SSBP3: variants seen among roughly 807,000 people sequenced by gnomAD.
The protein encoded by SSBP3 is single-stranded DNA-binding protein 3.
In SSBP3, 5 loss-of-function variants were observed where a neutral mutation model predicts 69.6. The ratio of observed to expected loss-of-function variants is 0.07; its 90% CI spans 0.04 to 0.15. The LOEUF (loss-of-function observed/expected upper bound fraction) is 0.15. SSBP3 is among the 10% of genes least tolerant of loss of function. SSBP3 has a pLI of 1.00. For synonymous variants in SSBP3, 196 were observed against 193.4 expected (o/e 1.01, Z -0.11); for missense variants, 312 against 534.0 (o/e 0.58, Z 4.10).
At chr1:54,264,451 T>C (rs1175145243) in intron 5 of SSBP3, among the ~76,000 whole-genome samples, 3 of 152,252 alleles carry the variant, frequency 2.0e-5, no homozygotes, top group Admixed American at 1.3e-4. Flanking sequence ...TACACCTGTC[T>C]AGAAGTCATG....
intron 4 of SSBP3, among the ~76,000 whole-genome samples, chr1:54,386,862 C>A (rs1648126190): frequency 6.6e-6 from 1 of 151,166 alleles, no homozygotes; most frequent in African/African-American, 2.4e-5. Context: ...CTTTCCGATC[C>A]CATCTTCCTC....
At chr1:54,375,660 C>T (rs765711562) in intron 4 of SSBP3, among the ~76,000 whole-genome samples, 5 of 152,188 alleles carry the variant, frequency 3.3e-5, no homozygotes, top group Non-Finnish European at 5.9e-5. Flanking sequence ...AGCCTCCAGT[C>T]GCCTGGTGGA....
chr1:54,248,917 T>G (rs1276482025), intron 9 of SSBP3, among the ~76,000 whole-genome samples: 1 of 152,186 alleles, frequency 6.6e-6, no homozygotes, highest in African/African-American at 2.4e-5. Context: ...TTCCTGAGGT[T>G]GGCAAGGGTG....
At position 54,332,928 on chromosome 1, in the gene SSBP3, G is replaced by A. The variant is rs530494184; in HGVS notation, c.277-51401C>T. 2.4e-4 allele frequency among the ~76,000 whole-genome samples: 37 copies of A among 152,208 alleles called. No individual in the cohort carries two copies. In the South Asian group the frequency reaches 6.4e-3, roughly 26 times the overall value. ...TAAGCAAACATGCACGCACACACAC[G>A]CGCGAGCACACACACACGCGTGCGC... On this transcript the variant is annotated intron_variant, in intron 4 of 17. Coordinates refer to ENST00000610401, the Ensembl canonical transcript of SSBP3.
At chr1:54,271,128 T>C (rs1645186609) in intron 5 of SSBP3, among the ~76,000 whole-genome samples, 1 of 152,196 alleles carries the variant, frequency 6.6e-6, no homozygotes, top group Admixed American at 6.5e-5. Flanking sequence ...GAGTTTCTTC[T>C]GAGACAGGGT....
chr1:54,240,087 T>TGTGTGCGTGCGC (rs1159547661), intron 13 of SSBP3, among the ~76,000 whole-genome samples: 2 of 42,344 alleles, frequency 4.7e-5, no homozygotes, highest in Non-Finnish European at 8.4e-5. Context: ...TGTGTGTGTG[T>TGTGTGCGTGCGC]GCGCGCGCGC....
rs561745726 is a variant in SSBP3, at chr1:54,275,343, C to G, written c.366+6095G>C. 3.3e-5 allele frequency among the ~76,000 whole-genome samples: 5 copies of G among 152,374 alleles called. No homozygotes were observed. In the South Asian group the frequency reaches 1.0e-3, roughly 32 times the overall value. ...AGTAACAGGCTTCGGAAACCAAAAGCAAACAAGGTGGTTTAATTCTTCCCA... is the reference window on the plus strand; with the variant it reads ...AGTAACAGGCTTCGGAAACCAAAAGGAAACAAGGTGGTTTAATTCTTCCCA... On this transcript the variant is annotated intron_variant, in intron 5 of 17. Coordinates refer to ENST00000610401, the Ensembl canonical transcript of SSBP3.
intron 4 of SSBP3, among the ~76,000 whole-genome samples, chr1:54,300,585 G>A (rs1304266745): frequency 6.6e-6 from 1 of 152,108 alleles, no homozygotes; most frequent in Non-Finnish European, 1.5e-5. Context: ...AGAAAGGAAG[G>A]ATTATTTCTG....
chr1:54,327,267 AGGAAAAC>A (rs1557534710), intron 4 of SSBP3, among the ~76,000 whole-genome samples: 4 of 148,034 alleles, frequency 2.7e-5, no homozygotes, highest in East Asian at 4.1e-4. Flanking sequence ...GAAGGAAGGA[AGGAAAAC>A]AACAACAAGA....
At chr1:54,346,541 G>A (rs375874675) in intron 4 of SSBP3, among the ~76,000 whole-genome samples, 26 of 152,088 alleles carry the variant, frequency 1.7e-4, no homozygotes, top group African/African-American at 4.1e-4. Flanking sequence ...CTGGCTAGGC[G>A]CGGTGGCTCA....
chr1:54,263,224 G>T (rs1645045398), intron 5 of SSBP3, among the ~76,000 whole-genome samples: 3 of 152,214 alleles, frequency 2.0e-5, no homozygotes, highest in Admixed American at 2.0e-4. Context: ...CTGTAAAACG[G>T]ATTCAAGGAC....
At chr1:54,292,676 C>T (rs1043427412) in intron 4 of SSBP3, among the ~76,000 whole-genome samples, 1 of 152,188 alleles carries the variant, frequency 6.6e-6, no homozygotes, top group Non-Finnish European at 1.5e-5. Flanking sequence ...GCCCTCAGGG[C>T]TCTGAACAAA....
At chr1:54,402,193 C>T (rs995495893) in intron 3 of SSBP3, among the ~76,000 whole-genome samples, 31 of 152,172 alleles carry the variant, frequency 2.0e-4, no homozygotes, top group Non-Finnish European at 3.7e-4. Flanking sequence ...TGCTTCACAC[C>T]CGTATTACTT....
chr1:54,240,843 C>T, intron 13 of SSBP3, 62 bp downstream of exon 13: 2 of 1,608,724 alleles, frequency 1.2e-6, no homozygotes, highest in Non-Finnish European at 1.7e-6. Context: ...CTCCAGGTCT[C>T]TCTGGCAACA....
chr1:54,330,262 G>A (rs1463269875), intron 4 of SSBP3, among the ~76,000 whole-genome samples: 1 of 152,176 alleles, frequency 6.6e-6, no homozygotes, highest in East Asian at 1.9e-4. Flanking sequence ...GGGAGGACCA[G>A]CCCAAAGGGC....
At chr1:54,292,208 G>C (rs568459264) in intron 4 of SSBP3, among the ~76,000 whole-genome samples, 18 of 152,348 alleles carry the variant, frequency 1.2e-4, no homozygotes, top group East Asian at 5.8e-4. Context: ...GTGCATGCCA[G>C]GAAATGGCAG....
chr1:54,229,919 G>T (rs1324538304), intron 14 of SSBP3, among the ~76,000 whole-genome samples: 1 of 152,250 alleles, frequency 6.6e-6, no homozygotes, highest in Non-Finnish European at 1.5e-5. Context: ...CAGCTGCAAA[G>T]TACAGCTGCG....
At chr1:54,307,210 C>A (rs947034400) in intron 4 of SSBP3, among the ~76,000 whole-genome samples, 8 of 152,086 alleles carry the variant, frequency 5.3e-5, no homozygotes, top group African/African-American at 1.7e-4. Context: ...TATGGCCACA[C>A]CCCCACTATG....
chr1:54,391,819 C>A (rs1440969122), intron 4 of SSBP3, among the ~76,000 whole-genome samples: 1 of 152,188 alleles, frequency 6.6e-6, no homozygotes, highest in African/African-American at 2.4e-5. Context: ...CCTATTCTCA[C>A]TACTGCCACT....
Sources: allele counts gnomAD v4.1 joint callset (sites outside exome capture counted in the v4.1 genomes callset), GRCh38; gene constraint gnomAD v4.1.1; transcripts MANE v1.5; gene names NCBI Gene and HGNC (gene_info 2026-07-23, HGNC 2026-07-21).